Variants in ADGRL3 observed in about 807,000 individuals in gnomAD.
The protein encoded by ADGRL3 is adhesion G protein-coupled receptor L3, also known as calcium-independent alpha-latrotoxin receptor 3.
Under a neutral mutation model 153.5 loss-of-function variants are expected in ADGRL3, and 62 were observed. The ratio of observed to expected loss-of-function variants is 0.40; its 90% CI spans 0.33 to 0.50. ADGRL3 has a LOEUF of 0.50. Ranked by LOEUF, ADGRL3 falls within the 20% of genes least tolerant of loss-of-function variation. ADGRL3 has a pLI of 0.47. For synonymous variants in ADGRL3, 710 were observed against 672.5 expected, an observed-to-expected ratio of 1.06 and a Z score of -0.86; for missense variants, 1,641 against 1,859.4, an observed-to-expected ratio of 0.88 and a Z score of 2.16.
intron 2 of ADGRL3, among the ~76,000 whole-genome samples, chr4:61,463,757 G>T (rs1348751515): frequency 6.6e-6 from 1 of 152,092 alleles, no homozygotes; most frequent in East Asian, 1.9e-4. Flanking sequence ...TGTGGAAGTG[G>T]GTGTCAGCTT....
chr4:61,691,979 G>A (rs1331427765), intron 6 of ADGRL3, among the ~76,000 whole-genome samples: 9 of 152,018 alleles, frequency 5.9e-5, no homozygotes, highest in Non-Finnish European at 5.9e-5. Context: ...CTTAGGAGAC[G>A]ACAGCTCAGG....
At chr4:61,291,208 A>ACACG (rs2094173454) in intron 1 of ADGRL3, among the ~76,000 whole-genome samples, 3 of 133,024 alleles carry the variant, frequency 2.3e-5, no homozygotes, top group Admixed American at 8.5e-5. Flanking sequence ...ACACACACAC[A>ACACG]CACACACACG....
Position 61,730,648 on chromosome 4 carries a change from C to T in ADGRL3, c.598+12C>T, listed in dbSNP as rs917031341. ...AGTGGAACAAAAAGGTAATTAAATA[C>T]CTTTCATAAATTATATACTATTTAT... On this transcript the variant is annotated intron_variant, in intron 7 of 26. Transcript: ENST00000683033. 1.8e-5 allele frequency: 10 copies of T among 561,338 alleles called. No individual in the cohort carries two copies. The highest frequency in any genetic ancestry group is 3.8e-5 in the Admixed American group (1 of 26,320). The allele number at this position is 561,338 out of a possible 1,614,324, so 34.8% of individuals were successfully genotyped here. A position where few individuals can be genotyped will look rare whatever the true frequency, so the allele number is the denominator to read the frequency against.
At chr4:61,615,998 GGC>G (rs2091958421) in intron 5 of ADGRL3, among the ~76,000 whole-genome samples, 1 of 151,996 alleles carries the variant, frequency 6.6e-6, no homozygotes, top group Admixed American at 6.6e-5. Flanking sequence ...CAATAAAACT[GGC>G]TATTTCGTTA....
At chr4:62,063,663 A>T (rs1278199595) in intron 25 of ADGRL3, 1 of 649,838 alleles carries the variant, frequency 1.5e-6, no homozygotes, top group Non-Finnish European at 2.8e-6. Context: ...AATTTTTTCA[A>T]GTGAGAGTCC....
intron 3 of ADGRL3, among the ~76,000 whole-genome samples, chr4:61,501,500 G>A (rs2098386309): frequency 1.3e-5 from 2 of 152,060 alleles, no homozygotes. Context: ...CCCTGAGAAT[G>A]GAAAGAAATC....
At chr4:61,939,727 C>G (rs1437554438) in intron 15 of ADGRL3, among the ~76,000 whole-genome samples, 2 of 152,000 alleles carry the variant, frequency 1.3e-5, no homozygotes, top group Admixed American at 6.5e-5. Context: ...CTCAGCCTCC[C>G]AAAGTGCTGG....
intron 4 of ADGRL3, among the ~76,000 whole-genome samples, chr4:61,536,069 G>T (rs757127648): frequency 6.6e-6 from 1 of 151,712 alleles, no homozygotes; most frequent in Non-Finnish European, 1.5e-5. Flanking sequence ...TATTCCAGAG[G>T]GTTTGGTATG....
intron 25 of ADGRL3, among the ~76,000 whole-genome samples, chr4:62,054,627 C>T (rs992022901): frequency 7.9e-5 from 12 of 151,522 alleles, no homozygotes; most frequent in Admixed American, 2.0e-4. Context: ...ATAATGATCA[C>T]ACCTATAAGA....
Position 61,895,154 on chromosome 4 carries a change from C to G in ADGRL3, c.1784-577C>G, listed in dbSNP as rs184426061. On this transcript the variant is annotated intron_variant, in intron 10 of 26. Transcript: ENST00000683033. ...TCCATGGAGGCACATATCACATCAT[C>G]TCATCCATGAAATTCTTTAAAAACA... Among the ~76,000 whole-genome samples, 256 of 152,234 alleles carry G rather than the reference C, an allele frequency of 1.7e-3. 2 individuals carry two copies. The highest frequency in any genetic ancestry group is 3.4e-3 in the Middle Eastern group (1 of 292).
At chr4:61,402,674 C>G (rs2096944026) in intron 2 of ADGRL3, among the ~76,000 whole-genome samples, 2 of 151,976 alleles carry the variant, frequency 1.3e-5, no homozygotes, top group East Asian at 3.9e-4. Context: ...AGGTTCTTTT[C>G]CTAAACTTAT....
Position 61,726,210 on chromosome 4 carries a change from G to GTTTTT in ADGRL3, c.584-4410_584-4406dup, listed in dbSNP as rs149472429. Among the ~76,000 whole-genome samples, 532 of 118,528 alleles carry GTTTTT rather than the reference G, an allele frequency of 4.5e-3. 80 individuals are homozygous for GTTTTT. In the East Asian group the frequency reaches 0.12, roughly 26 times the overall value. 77.8% of individuals were successfully genotyped at this position (118,528 alleles called of 152,430 possible). On this transcript the variant is annotated intron_variant, in intron 6 of 26. Coordinates refer to ENST00000683033, the MANE Select transcript of ADGRL3 (RefSeq NM_001387552.1). ...AATACTCACTGGAACTTTTTTTTTT[G>GTTTTT]TTTTTTGAGAAGGAGTCTCACCCTG...
At chr4:61,334,279 A>G (rs2095633011) in intron 1 of ADGRL3, among the ~76,000 whole-genome samples, 1 of 152,042 alleles carries the variant, frequency 6.6e-6, no homozygotes, top group Non-Finnish European at 1.5e-5. Context: ...CCTCTATCCA[A>G]GGGTTAGAAT....
At chr4:61,646,842 A>C (rs980904353) in intron 5 of ADGRL3, among the ~76,000 whole-genome samples, 1 of 152,168 alleles carries the variant, frequency 6.6e-6, no homozygotes, top group Admixed American at 6.5e-5. Flanking sequence ...TTACCTAATC[A>C]AGCCTGGGCA....
chr4:61,361,488 G>T (rs2096281629), intron 1 of ADGRL3, among the ~76,000 whole-genome samples: 1 of 152,094 alleles, frequency 6.6e-6, no homozygotes, highest in South Asian at 2.1e-4. Flanking sequence ...ATGGCCTTTG[G>T]GGTTAGATAG....
chr4:61,787,439 C>A, intron 8 of ADGRL3, among the ~76,000 whole-genome samples: 1 of 151,696 alleles, frequency 6.6e-6, no homozygotes, highest in Admixed American at 6.6e-5. Flanking sequence ...CAATATCTAG[C>A]GCTGTATGCT....
At chr4:61,729,762 A>G (rs2096408629) in intron 6 of ADGRL3, among the ~76,000 whole-genome samples, 1 of 151,994 alleles carries the variant, frequency 6.6e-6, no homozygotes, top group East Asian at 1.9e-4. Context: ...GAATACGTTA[A>G]CAATTTTCCA....
intron 1 of ADGRL3, among the ~76,000 whole-genome samples, chr4:61,367,377 T>A (rs574833671): frequency 1.1e-3 from 161 of 152,018 alleles, no homozygotes; most frequent in Non-Finnish European, 2.2e-3. Context: ...CCCAATGCTA[T>A]CCCTCCCCAC....
At chr4:61,548,775 A>G (rs1348022517) in intron 4 of ADGRL3, among the ~76,000 whole-genome samples, 1 of 151,894 alleles carries the variant, frequency 6.6e-6, no homozygotes, top group Non-Finnish European at 1.5e-5. Flanking sequence ...TTTTGGTTTC[A>G]TATGAATTTA....
Sources: allele counts gnomAD v4.1 joint callset (sites outside exome capture counted in the v4.1 genomes callset), GRCh38; gene constraint gnomAD v4.1.1; transcripts MANE v1.5; gene names NCBI Gene and HGNC (gene_info 2026-07-23, HGNC 2026-07-21).